The following ZNF232 variants were observed in gnomAD, a reference collection of about 807,000 sequenced individuals.
ZNF232 encodes zinc finger protein 232.
A neutral mutation model predicts 25.2 loss-of-function variants in ZNF232; 25 were observed. The ratio of observed to expected loss-of-function variants is 0.99; its 90% CI spans 0.72 to 1.39. The LOEUF (loss-of-function observed/expected upper bound fraction) is 1.39, where lower values mean the gene tolerates loss of function less well. Among genes scored for constraint, ZNF232 ranks in the 40% most tolerant of loss-of-function variants. The pLI, the probability that ZNF232 is intolerant of heterozygous loss-of-function variation, is 0.00. For synonymous variants in ZNF232, 193 were observed against 182.9 expected (o/e 1.06, Z -0.45); for missense variants, 519 against 520.9 (o/e 1.00, Z 0.04).
intron 1 of ZNF232, among the ~76,000 whole-genome samples, chr17:5,116,903 C>T (rs542790164): frequency 2.0e-5 from 3 of 152,264 alleles, no homozygotes; most frequent in Non-Finnish European, 2.9e-5. Context: ...GAGCTAGGTA[C>T]GGAGGGAGCA....
chr17:5,109,514 T>C (rs1332581033), exon 2 of ZNF232: 3 of 1,614,090 alleles, frequency 1.9e-6, no homozygotes, highest in Non-Finnish European at 2.5e-6. Context: ...TGGTCAAGAA[T>C]TGTTCCAGCA....
At chr17:5,112,533 G>C (rs955543845), upstream of ZNF232, among the ~76,000 whole-genome samples, 7 of 151,492 alleles carry the variant, frequency 4.6e-5, no homozygotes, top group Admixed American at 3.9e-4. Context: ...CTCACTGCAA[G>C]CTCCGCCTCC....
intron 1 of ZNF232, among the ~76,000 whole-genome samples, chr17:5,117,969 T>G (rs2072571693): frequency 6.6e-6 from 1 of 151,324 alleles, no homozygotes; most frequent in South Asian, 2.1e-4. Context: ...CTCAGGAGGC[T>G]GAGGCAGGAG....
chr17:5,109,895 CTTTTT>C (rs113119643), intron 1 of ZNF232, 27 bp from the exon 2 acceptor site: 4 of 1,237,012 alleles, frequency 3.2e-6, no homozygotes, highest in South Asian at 3.1e-5. Context: ...AATCATTCCT[CTTTTT>C]TTTTTTTAAG....
chr17:5,117,181 A>G (rs2072556458), intron 1 of ZNF232, among the ~76,000 whole-genome samples: 1 of 152,142 alleles, frequency 6.6e-6, no homozygotes, highest in African/African-American at 2.4e-5. Flanking sequence ...TTGTCCATTT[A>G]TGCTCACCCT....
chr17:5,112,767 A>G (rs1286881469), upstream of ZNF232, among the ~76,000 whole-genome samples: 2 of 150,502 alleles, frequency 1.3e-5, no homozygotes, highest in African/African-American at 4.9e-5. Flanking sequence ...TTTTTGAGAC[A>G]TGGTGGCCAA....
At chr17:5,111,234 AC>A (rs1217545093) in intron 1 of ZNF232, 1 of 153,118 alleles carries the variant, frequency 6.5e-6, no homozygotes, top group Admixed American at 6.5e-5. Context: ...CGGTTTAGGA[AC>A]AAAAGGAAAA....
chr17:5,116,700 G>C (rs1157083648), upstream of ZNF232: 1 of 152,238 alleles, frequency 6.6e-6, no homozygotes, highest in Admixed American at 6.5e-5. Context: ...CTTTCGAGTC[G>C]GGCCGACCGG....
At chr17:5,106,328 C>A (rs1277578531) in exon 4 of ZNF232, 2 of 1,614,238 alleles carry the variant, frequency 1.2e-6, no homozygotes, top group South Asian at 2.2e-5. Flanking sequence ...CAGGGGACCA[C>A]CTCAGTCTCT....
At chr17:5,121,154 T>G (rs1259760031) in intron 1 of ZNF232, among the ~76,000 whole-genome samples, 2 of 152,164 alleles carry the variant, frequency 1.3e-5, no homozygotes, top group Non-Finnish European at 2.9e-5. Flanking sequence ...CCAGTGCCTG[T>G]CTTTGAGGTG....
upstream of ZNF232, chr17:5,112,424 TTGG>T (rs1420379172): frequency 1.3e-5 from 2 of 150,278 alleles, no homozygotes; most frequent in Non-Finnish European, 3.0e-5. Flanking sequence ...GAAATAGGGG[TTGG>T]TGTTTTTTTG....
intron 3 of ZNF232, among the ~76,000 whole-genome samples, chr17:5,108,579 T>C (rs1183948717): frequency 6.6e-6 from 1 of 151,858 alleles, no homozygotes; most frequent in African/African-American, 2.4e-5. Flanking sequence ...TATTATAGAC[T>C]AGGAGTTAAG....
intron 2 of ZNF232, 163 bp from the exon 3 acceptor site, chr17:5,109,215 T>TA (rs1231925050): frequency 8.1e-7 from 1 of 1,233,930 alleles, no homozygotes; most frequent in Non-Finnish European, 1.2e-6. Flanking sequence ...GAAGAGGAGC[T>TA]AGAGTCTCTT....
chr17:5,108,980 C>T (rs773929698), exon 3 of ZNF232: 22 of 1,614,162 alleles, frequency 1.4e-5, no homozygotes, highest in Middle Eastern at 3.3e-4. Context: ...CTCAGTGCTT[C>T]CTGGGCTGCT....
chr17:5,118,812 TTCTTCCCGAAAGTCTGGCCATC>T (rs2072588261), intron 1 of ZNF232, among the ~76,000 whole-genome samples: 1 of 152,186 alleles, frequency 6.6e-6, no homozygotes, highest in South Asian at 2.1e-4. Flanking sequence ...GTCTGGCCAT[TTCTTCCCGAAAGTCTGGCCATC>T]TCTCTCATCT....
chr17:5,120,574 G>A, intron 1 of ZNF232: 1 of 358,882 alleles, frequency 2.8e-6, no homozygotes, highest in East Asian at 7.4e-5. Context: ...GCAGGCCCCA[G>A]GGTCTTTCCC....
chr17:5,120,093 C>G (rs2072618285), intron 1 of ZNF232, among the ~76,000 whole-genome samples: 1 of 152,312 alleles, frequency 6.6e-6, no homozygotes, highest in East Asian at 1.9e-4. Context: ...TTCTGTGCTG[C>G]TCTAAGCTGG....
upstream of ZNF232, chr17:5,112,018 G>C (rs376887739): frequency 1.0e-5 from 8 of 774,938 alleles, no homozygotes; most frequent in Admixed American, 3.1e-5. Context: ...CTTGAGCGGA[G>C]CGAGAAAGAG....
intron 1 of ZNF232, among the ~76,000 whole-genome samples, chr17:5,117,892 A>G (rs2072570299): frequency 6.6e-6 from 1 of 152,094 alleles, no homozygotes; most frequent in Non-Finnish European, 1.5e-5. Flanking sequence ...GTTTAAGACC[A>G]GGCTGGCTAA....
Sources: allele counts gnomAD v4.1 joint callset (sites outside exome capture counted in the v4.1 genomes callset), GRCh38; gene constraint gnomAD v4.1.1; transcripts MANE v1.5; gene names NCBI Gene and HGNC (gene_info 2026-07-23, HGNC 2026-07-21).